WIPF2: variants seen among roughly 807,000 people sequenced by gnomAD.
The protein encoded by WIPF2 is WAS/WASL-interacting protein family member 2.
In WIPF2, 23 loss-of-function variants were observed where a neutral mutation model predicts 38.8. That is an observed-to-expected ratio of 0.59 (90% CI 0.43 to 0.84). The LOEUF is 0.84. Ranked by LOEUF, WIPF2 falls within the 40% of genes least tolerant of loss-of-function variation. The probability of loss-of-function intolerance (pLI) is 0.00; values close to 1 mark genes in which losing one functional copy is unlikely to be tolerated. For synonymous variants in WIPF2, 210 were observed against 223.2 expected, an observed-to-expected ratio of 0.94 and a Z score of 0.53; for missense variants, 574 against 580.5, an observed-to-expected ratio of 0.99 and a Z score of 0.11.
chr17:40,273,884 C>A lies in WIPF2; in HGVS notation c.1065C>A (p.Ser355Arg). The part of the protein sequence containing the change: ...PYRMHGSEPP[S>R]RGKPPPPPSR... ...GAATGCATGGGTCAGAACCCCCGAGCCGAGGAAAGCCCCCACCTCCACCCT... is the reference window on the plus strand; with the variant it reads ...GAATGCATGGGTCAGAACCCCCGAGACGAGGAAAGCCCCCACCTCCACCCT... The change falls in exon 6 of 8, where the codon AGC becomes AGA. Residue 355 changes from serine (S) to arginine (R), a missense_variant. Transcript: ENST00000323571. 6.4e-7 allele frequency: 1 copy of A among 1,570,324 alleles called. No individual in the cohort carries two copies.
At chr17:40,271,246 G>A (rs969466636) in intron 5 of WIPF2, among the ~76,000 whole-genome samples, 2 of 152,194 alleles carry the variant, frequency 1.3e-5, no homozygotes, top group Admixed American at 6.5e-5. Flanking sequence ...AGAGTGTTGG[G>A]ATTACAGATG....
intron 1 of WIPF2, among the ~76,000 whole-genome samples, chr17:40,233,097 A>G (rs943716834): frequency 1.1e-4 from 16 of 152,334 alleles, no homozygotes; most frequent in Admixed American, 2.6e-4. Context: ...TTCAGGTCAC[A>G]TTAGCCAGCC....
In WIPF2 at chr17:40,248,163, CTTTTTTTTTTT is replaced by C. The variant is rs60359132; in HGVS notation, c.-69-8211_-69-8201del. Among the ~76,000 whole-genome samples, 28 of 47,618 alleles carry C rather than the reference CTTTTTTTTTTT, an allele frequency of 5.9e-4. 1 individual carries two copies. The highest frequency in any genetic ancestry group is 1.8e-3 in the Admixed American group (8 of 4,342). The allele number at this position is 47,618 out of a possible 152,430, so 31.2% of individuals were successfully genotyped here. On this transcript the variant is annotated intron_variant, in intron 1 of 7. Coordinates refer to ENST00000323571, the MANE Select transcript of WIPF2 (RefSeq NM_133264.5). The stretch of plus-strand genomic sequence containing the variant: ...TTTAATAAAAATTTAAAAGTTATTT[CTTTTTTTTTTT>C]TTTTTTTTTTTTTTTTGAGACTCTC...
At chr17:40,249,143 T>G (rs531029409) in intron 1 of WIPF2, among the ~76,000 whole-genome samples, 1 of 152,318 alleles carries the variant, frequency 6.6e-6, no homozygotes, top group Non-Finnish European at 1.5e-5. Context: ...ATTTAGAATT[T>G]TTCTTGATTT....
At chr17:40,234,258 T>C (rs989190179) in intron 1 of WIPF2, among the ~76,000 whole-genome samples, 3 of 150,650 alleles carry the variant, frequency 2.0e-5, no homozygotes, top group African/African-American at 7.3e-5. Flanking sequence ...TCCCAGCTAC[T>C]CGGGAGGCGC....
intron 1 of WIPF2, among the ~76,000 whole-genome samples, chr17:40,236,343 T>C (rs200194374): frequency 4.0e-5 from 6 of 151,186 alleles, no homozygotes; most frequent in South Asian, 2.1e-4. Flanking sequence ...TCTTCTAACC[T>C]TTTTTTTTCT....
chr17:40,240,310 C>G (rs2031143576), intron 1 of WIPF2, among the ~76,000 whole-genome samples: 1 of 152,054 alleles, frequency 6.6e-6, no homozygotes, highest in Admixed American at 6.6e-5. Context: ...AGTAATCCAC[C>G]TGCCTCGGCC....
chr17:40,274,359 C>T (rs1388129616), intron 6 of WIPF2, among the ~76,000 whole-genome samples: 1 of 151,688 alleles, frequency 6.6e-6, no homozygotes, highest in Non-Finnish European at 1.5e-5. Flanking sequence ...AAGGAGTGTT[C>T]CTTTCTAGCT....
chr17:40,237,158 C>A (rs1216413355), intron 1 of WIPF2, among the ~76,000 whole-genome samples: 1 of 151,396 alleles, frequency 6.6e-6, no homozygotes, highest in Non-Finnish European at 1.5e-5. Context: ...TATTTATCTC[C>A]TCTCTCTTTC....
intron 1 of WIPF2, among the ~76,000 whole-genome samples, chr17:40,249,286 A>G (rs1436210191): frequency 6.6e-6 from 1 of 152,196 alleles, no homozygotes; most frequent in African/African-American, 2.4e-5. Context: ...GAGAAAAGCA[A>G]GAACTAAACT....
At chr17:40,232,379 AG>A (rs1443305903) in intron 1 of WIPF2, among the ~76,000 whole-genome samples, 2 of 151,074 alleles carry the variant, frequency 1.3e-5, no homozygotes, top group African/African-American at 4.9e-5. Flanking sequence ...TAGTAGAGAC[AG>A]GGTTTCACCA....
chr17:40,278,506 T>G lies in WIPF2; in HGVS notation c.*281T>G, dbSNP rs11543298. On this transcript the variant is annotated 3_prime_UTR_variant, in exon 8 of 8. Coordinates refer to ENST00000323571, the MANE Select transcript of WIPF2 (RefSeq NM_133264.5). The stretch of plus-strand genomic sequence containing the variant: ...ATGAGGAACAAGTTTCCGTGTCTTC[T>G]GCCTTCCTCTTGGGGAAAGGTGCCT... The G allele has an allele frequency of 2.2e-6, 1 of 452,954 alleles. No homozygotes were observed. Among genetic ancestry groups the G allele is most frequent in the Non-Finnish European group, 4.0e-6 (1 of 251,070 alleles). The allele number at this position is 452,954 out of a possible 1,614,324, so 28.1% of individuals were successfully genotyped here. A position where few individuals can be genotyped will look rare whatever the true frequency, so the allele number is the denominator to read the frequency against.
chr17:40,255,235 G>C (rs1377331396), intron 1 of WIPF2, among the ~76,000 whole-genome samples: 1 of 152,072 alleles, frequency 6.6e-6, no homozygotes, highest in Non-Finnish European at 1.5e-5. Context: ...GCTCACACCT[G>C]TAATCCCAGC....
At chr17:40,276,936 T>C (rs2032422138) in intron 6 of WIPF2, 147 bp from the exon 7 acceptor site, 2 of 658,106 alleles carry the variant, frequency 3.0e-6, no homozygotes, top group Non-Finnish European at 5.4e-6. Flanking sequence ...GCTGCTGTTC[T>C]CAGGGTGGTT....
chr17:40,278,175 T>A lies in WIPF2; in HGVS notation c.1283-10T>A. On this transcript the variant is annotated splice_polypyrimidine_tract_variant and intron_variant, in intron 7 of 7. Transcript: ENST00000323571. ...TGTATGTGTGTGGTCTTTATTTTGT[T>A]TTTTTTCAGCTGCCCGTGGAGCCCC... 6.2e-7 allele frequency: 1 copy of A among 1,612,210 alleles called. No homozygotes were observed. The highest frequency in any genetic ancestry group is 8.5e-7 in the Non-Finnish European group (1 of 1,179,166).
rs1430996857 is a variant in WIPF2, at chr17:40,282,228, C to T, written c.*4003C>T. ...TAGATTTCTGTGCTTTCTTCCTTTC[C>T]CTCTTTGAAGCAATTAAAATCTTCC... On this transcript the variant is annotated 3_prime_UTR_variant, in exon 8 of 8. Coordinates refer to ENST00000323571, the MANE Select transcript of WIPF2 (RefSeq NM_133264.5). The T allele has an allele frequency of 6.6e-6, 1 of 151,970 alleles. No individual in the cohort carries two copies. Among genetic ancestry groups the T allele is most frequent in the East Asian group, 1.9e-4 (1 of 5,176 alleles). 9.4% of individuals were successfully genotyped at this position (151,970 alleles called of 1,614,324 possible). A position where few individuals can be genotyped will look rare whatever the true frequency, so the allele number is the denominator to read the frequency against.
At chr17:40,277,869 G>A (rs1462361981) in intron 7 of WIPF2, among the ~76,000 whole-genome samples, 2 of 151,804 alleles carry the variant, frequency 1.3e-5, no homozygotes, top group African/African-American at 2.4e-5. Flanking sequence ...TAGGATTATA[G>A]GCGTGTGCCA....
chr17:40,250,796 G>T (rs2031534105), intron 1 of WIPF2, among the ~76,000 whole-genome samples: 1 of 151,978 alleles, frequency 6.6e-6, no homozygotes, highest in South Asian at 2.1e-4. Context: ...GCTGCACGTG[G>T]TGGTGCTCAC....
At chr17:40,220,776 GTT>G (rs773127708) in intron 1 of WIPF2, among the ~76,000 whole-genome samples, 130 of 125,934 alleles carry the variant, frequency 1.0e-3, no homozygotes, top group African/African-American at 3.5e-3. Flanking sequence ...CCCAGAATTC[GTT>G]TTTTTTTTTT....
Sources: allele counts gnomAD v4.1 joint callset (sites outside exome capture counted in the v4.1 genomes callset), GRCh38; gene constraint gnomAD v4.1.1; transcripts MANE v1.5; gene names NCBI Gene and HGNC (gene_info 2026-07-23, HGNC 2026-07-21).